The following SLC2A14 variants were observed in gnomAD, a reference collection of about 807,000 sequenced individuals.
The protein encoded by SLC2A14 is solute carrier family 2 member 14.
A neutral mutation model predicts 43.0 loss-of-function variants in SLC2A14; 13 were observed. The observed-to-expected ratio is 0.30, with a 90% CI of 0.20 to 0.48. The LOEUF (loss-of-function observed/expected upper bound fraction) is 0.48. Among genes scored for constraint, SLC2A14 ranks in the 20% least tolerant of loss-of-function variants. SLC2A14 has a pLI of 0.99. For missense variants in SLC2A14, 428 were observed against 620.4 expected, an observed-to-expected ratio of 0.69 and a Z score of 3.29; for synonymous variants, 190 against 233.8, an observed-to-expected ratio of 0.81 and a Z score of 1.71.
intron 7 of SLC2A14, among the ~76,000 whole-genome samples, chr12:7,826,909 C>CTTTCTTTCCTT (rs1555121675): frequency 1.2e-5 from 1 of 81,174 alleles, no homozygotes; most frequent in East Asian, 4.0e-4. Context: ...TTCTTTCTTT[C>CTTTCTTTCCTT]TTTCTTTTTC....
At chr12:7,826,905 CTTTCTTTCTTTTTCCTT>C (rs1864468746) in intron 7 of SLC2A14, among the ~76,000 whole-genome samples, 1 of 63,928 alleles carries the variant, frequency 1.6e-5, no homozygotes, top group African/African-American at 8.3e-5. Flanking sequence ...TTCTTTCTTT[CTTTCTTTCTTTTTCCTT>C]TTTCTTTCCT....
intron 2 of SLC2A14, among the ~76,000 whole-genome samples, chr12:7,834,928 G>A (rs1419516538): frequency 2.6e-5 from 4 of 152,094 alleles, no homozygotes; most frequent in Admixed American, 1.3e-4. Context: ...AGACTGGTTG[G>A]TTGAGCTGGG....
intron 7 of SLC2A14, among the ~76,000 whole-genome samples, chr12:7,827,021 CTCCTT>C (rs1406666904): frequency 4.7e-5 from 6 of 128,518 alleles, no homozygotes; most frequent in South Asian, 5.4e-4. Flanking sequence ...CTCTCTTTCT[CTCCTT>C]TCTCTCTCTT....
At chr12:7,883,590 C>CTTTTTTT (rs1204450230) in intron 1 of SLC2A14, among the ~76,000 whole-genome samples, 26 of 95,192 alleles carry the variant, frequency 2.7e-4, no homozygotes, top group African/African-American at 5.9e-4. Flanking sequence ...TTTTTCTTTT[C>CTTTTTTT]TTTTTTTTTT....
chr12:7,823,779 C>T (rs1196657695), intron 7 of SLC2A14, among the ~76,000 whole-genome samples: 1 of 151,846 alleles, frequency 6.6e-6, no homozygotes, highest in Non-Finnish European at 1.5e-5. Flanking sequence ...AACAAGGGAA[C>T]ATTATCTAGG....
rs1191700487 is a variant in SLC2A14, at chr12:7,881,423, T to G, written c.132+9573A>C. Among the ~76,000 whole-genome samples, 7 of 152,080 alleles carry G rather than the reference T, an allele frequency of 4.6e-5. No individual in the cohort carries two copies. In the East Asian group the frequency reaches 1.2e-3, roughly 25 times the overall value. ...CCCGGGCAATGAGGGATTTAGCACC[T>G]GGGCCAGCGGCTGCGGAGGGTGTGC... On this transcript the variant is annotated intron_variant, in intron 1 of 9. Coordinates refer to the SLC2A14 transcript ENST00000539924.
chr12:7,873,642 AAAAC>A (rs144363840), upstream of SLC2A14, among the ~76,000 whole-genome samples: 61 of 151,172 alleles, frequency 4.0e-4, no homozygotes, highest in East Asian at 1.6e-3. Context: ...TCCGTCTCAA[AAAAC>A]AAACAAACAA....
At chr12:7,843,480 AC>A (rs1355103453) in intron 2 of SLC2A14, among the ~76,000 whole-genome samples, 3 of 137,936 alleles carry the variant, frequency 2.2e-5, no homozygotes, top group Non-Finnish European at 4.6e-5. Context: ...CATTGAATTC[AC>A]TGAGACACAT....
intron 2 of SLC2A14, among the ~76,000 whole-genome samples, chr12:7,861,626 G>A (rs1944565304): frequency 6.6e-6 from 1 of 151,874 alleles, no homozygotes; most frequent in East Asian, 1.9e-4. Flanking sequence ...CACTTGTCCC[G>A]AAAACCATAC....
chr12:7,880,042 C>T (rs917687465), intron 1 of SLC2A14, among the ~76,000 whole-genome samples: 3 of 151,710 alleles, frequency 2.0e-5, no homozygotes, highest in African/African-American at 7.3e-5. Flanking sequence ...ATGGCTCACA[C>T]CTATAATCCC....
At chr12:7,815,087 T>G (rs1863316130) in intron 10 of SLC2A14, among the ~76,000 whole-genome samples, 1 of 150,560 alleles carries the variant, frequency 6.6e-6, no homozygotes, top group African/African-American at 2.4e-5. Flanking sequence ...CGTGAGCCAC[T>G]GCACCTGGCC....
intron 10 of SLC2A14, among the ~76,000 whole-genome samples, chr12:7,816,019 G>T (rs916322080): frequency 3.3e-5 from 5 of 151,804 alleles, no homozygotes; most frequent in Non-Finnish European, 7.4e-5. Flanking sequence ...TCCTGCCTCA[G>T]CCTCCCAAGT....
intron 2 of SLC2A14, among the ~76,000 whole-genome samples, chr12:7,855,786 C>G (rs1867316188): frequency 6.6e-6 from 1 of 151,914 alleles, no homozygotes; most frequent in South Asian, 2.1e-4. Flanking sequence ...TACAGGCTCA[C>G]TCCACCAGCC....
chr12:7,874,434 G>C (rs1322769413), upstream of SLC2A14, among the ~76,000 whole-genome samples: 1 of 151,906 alleles, frequency 6.6e-6, no homozygotes, highest in Non-Finnish European at 1.5e-5. Context: ...AGCACTTTGG[G>C]AGGCCGAGGC....
chr12:7,852,363 T>C (rs1252789113), intron 2 of SLC2A14, among the ~76,000 whole-genome samples: 2 of 152,192 alleles, frequency 1.3e-5, no homozygotes, highest in South Asian at 2.1e-4. Context: ...TTTTCCATTT[T>C]ACAAAAGTGG....
At chr12:7,821,809 A>AT (rs1863931808) in intron 7 of SLC2A14, among the ~76,000 whole-genome samples, 1 of 142,846 alleles carries the variant, frequency 7.0e-6, no homozygotes, top group Non-Finnish European at 1.5e-5. Context: ...CGCCCAGCTA[A>AT]TTTTTGTATT....
Position 7,819,557 on chromosome 12 carries a change from T to TC in SLC2A14, c.995dup (p.Arg333LysfsTer29), listed in dbSNP as rs1863755415. 6.2e-7 allele frequency: 1 copy of TC among 1,609,102 alleles called. No homozygotes were observed. Among genetic ancestry groups the TC allele is most frequent in the Admixed American group, 1.7e-5 (1 of 58,738 alleles). ...CAAGGCCTATCATATGCAGAGTCCT[T>TC]CTTCCTGCCCTTTCCACCAGAAATA... On this transcript the variant is annotated frameshift_variant, in exon 9 of 11. Coordinates refer to ENST00000431042, the MANE Select transcript of SLC2A14 (RefSeq NM_001286234.2). LOFTEE classifies it high-confidence loss of function.
intron 2 of SLC2A14, among the ~76,000 whole-genome samples, chr12:7,860,977 A>G (rs1188335572): frequency 6.6e-6 from 1 of 152,030 alleles, no homozygotes; most frequent in Non-Finnish European, 1.5e-5. Flanking sequence ...TTTTTAGTAG[A>G]GACGGGGTTT....
At chr12:7,833,697 G>T (rs763780087) in intron 2 of SLC2A14, among the ~76,000 whole-genome samples, 1 of 151,578 alleles carries the variant, frequency 6.6e-6, no homozygotes, top group African/African-American at 2.4e-5. Context: ...CAGGAGGATC[G>T]CTTGACCCTG....
Sources: allele counts gnomAD v4.1 joint callset (sites outside exome capture counted in the v4.1 genomes callset), GRCh38; gene constraint gnomAD v4.1.1; transcripts MANE v1.5; gene names NCBI Gene and HGNC (gene_info 2026-07-23, HGNC 2026-07-21).